LRRCC1: variants seen among roughly 807,000 people sequenced by gnomAD.
LRRCC1 encodes leucine-rich repeat and coiled-coil domain-containing protein 1.
In LRRCC1, 115 loss-of-function variants were observed where a neutral mutation model predicts 126.0. The ratio of observed to expected loss-of-function variants is 0.91; its 90% confidence interval spans 0.78 to 1.07. The LOEUF (loss-of-function observed/expected upper bound fraction) is 1.07. Ranked by LOEUF, LRRCC1 falls within the 50% of genes least tolerant of loss-of-function variation. The pLI is 0.00. For missense variants in LRRCC1, 1,172 were observed against 1,175.7 expected, an observed-to-expected ratio of 1.00 and a Z score of 0.05; for synonymous variants, 400 against 393.4, an observed-to-expected ratio of 1.02 and a Z score of -0.20.
In LRRCC1 at chr8:85,141,470, C is replaced by CATCA; in HGVS notation, c.2930_2931insTCAA (p.Gln977HisfsTer6). 6.2e-7 allele frequency: 1 copy of CATCA among 1,613,202 alleles called. No homozygotes were observed. On this transcript the variant is annotated frameshift_variant, in exon 18 of 19. Transcript: ENST00000360375. LOFTEE classifies it high-confidence loss of function. ...TGAAGCTCATCAAGCTGAAATAGCA[C>CATCA]AGCTGGCCAATGAAAAGCAGAAGTG...
intron 12 of LRRCC1, 48 bp from the exon 13 acceptor site, chr8:85,134,799 T>G: frequency 8.2e-7 from 1 of 1,212,846 alleles, no homozygotes; most frequent in African/African-American, 1.6e-5. Flanking sequence ...GCAAATATTT[T>G]CTAATTATTT....
Position 85,107,248 on chromosome 8 carries a change from A to G in LRRCC1, c.-48A>G. ...CGGGAGGCTTGTCCCAAGCTCACGG[A>G]CCCCTCGCTGGGTGCCGGTTAAGAC... is the stretch of plus-strand genomic sequence containing the variant. On this transcript the variant is annotated 5_prime_UTR_variant, in exon 1 of 19. Transcript: ENST00000360375. 1.3e-6 allele frequency: 2 copies of G among 1,553,806 alleles called. No homozygotes were observed. The highest frequency in any genetic ancestry group is 1.7e-6 in the Non-Finnish European group (2 of 1,146,958).
intron 4 of LRRCC1, among the ~76,000 whole-genome samples, chr8:85,114,737 G>A (rs905495128): frequency 2.0e-5 from 3 of 151,958 alleles, no homozygotes; most frequent in African/African-American, 7.2e-5. Context: ...CATTTATGTT[G>A]TTTATATTAA....
chr8:85,114,296 C>CT (rs1307050055), intron 4 of LRRCC1, among the ~76,000 whole-genome samples: 1 of 151,544 alleles, frequency 6.6e-6, no homozygotes, highest in Non-Finnish European at 1.5e-5. Context: ...TTGTTTTTCA[C>CT]TTTTTTTCCT....
chr8:85,127,697 T>C (rs781074218), intron 9 of LRRCC1, among the ~76,000 whole-genome samples: 1 of 152,220 alleles, frequency 6.6e-6, no homozygotes, highest in Non-Finnish European at 1.5e-5. Context: ...TGCATGTTTC[T>C]CTGATAGGTT....
chr8:85,115,379 T>G lies in LRRCC1; in HGVS notation c.725T>G (p.Ile242Ser). The stretch of plus-strand genomic sequence containing the variant: ...TGGTTTGTTTCTGTGTCATAGATCA[T>G]TGATAGAATGCCAGTGATAACAGCA... The part of the protein sequence containing the change: ...SPLNISEDEI[I>S]DRMPVITAPI... The change falls in exon 6 of 19, where the codon ATT becomes AGT. Residue 242 changes from isoleucine (I) to serine (S), a missense_variant. Physicochemically the swap from Ile to Ser is moderately radical, Grantham distance 142 (BLOSUM62 -2). Transcript: ENST00000360375. 1 of 1,612,094 alleles carries G rather than the reference T, an allele frequency of 6.2e-7. No homozygotes were observed. Among genetic ancestry groups the G allele is most frequent in the African/African-American group, 1.3e-5 (1 of 75,020 alleles).
Position 85,145,910 on chromosome 8 carries a change from C to A in LRRCC1, c.*399C>A. ...TATATTTGTTATTTAATTGATGTAG[C>A]TCAATTCTTTTAAAGTACTTATGTA... On this transcript the variant is annotated 3_prime_UTR_variant, in exon 19 of 19. Coordinates refer to ENST00000360375, the MANE Select transcript of LRRCC1 (RefSeq NM_033402.5). 6.5e-6 allele frequency: 1 copy of A among 152,804 alleles called. No homozygotes were observed. Among genetic ancestry groups the A allele is most frequent in the Non-Finnish European group, 1.5e-5 (1 of 68,434 alleles). The allele number at this position is 152,804 out of a possible 1,614,324, so 9.5% of individuals were successfully genotyped here.
chr8:85,124,959 G>GA lies in LRRCC1; in HGVS notation c.1272+26dup, dbSNP rs1563942034. The GA allele has an allele frequency of 6.5e-7, 1 of 1,532,566 alleles. No individual in the cohort carries two copies. Among genetic ancestry groups the GA allele is most frequent in the Non-Finnish European group, 8.8e-7 (1 of 1,137,040 alleles). 94.9% of individuals were successfully genotyped at this position (1,532,566 alleles called of 1,614,324 possible). On this transcript the variant is annotated intron_variant, in intron 8 of 18. Coordinates refer to ENST00000360375, the MANE Select transcript of LRRCC1 (RefSeq NM_033402.5). Reference sequence around the variant, plus strand: ...TACCAGGTATGATTTAAGAGTTAAAGAAAAAATGAGTATGAATAATTTTAA... The same window carrying GA: ...TACCAGGTATGATTTAAGAGTTAAAGAAAAAAATGAGTATGAATAATTTTAA...
Position 85,131,804 on chromosome 8 carries a change from A to G in LRRCC1, c.1811A>G (p.Gln604Arg). Residue 604 changes from glutamine (Q) to arginine (R), a missense_variant, in exon 12 of 19, where the codon CAG (glutamine) becomes CGG (arginine). Gln to Arg is a conservative substitution (Grantham distance 43). Coordinates refer to ENST00000360375, the MANE Select transcript of LRRCC1 (RefSeq NM_033402.5). ...TREFFTDADF[Q>R]DALAKEIAKE... Reference sequence around the variant, plus strand: ...GAGTTTTTTACTGATGCTGACTTCCAGGATGCCTTAGCTAAAGAAATAGCC... The same window carrying G: ...GAGTTTTTTACTGATGCTGACTTCCGGGATGCCTTAGCTAAAGAAATAGCC... The G allele has an allele frequency of 6.2e-7, 1 of 1,613,782 alleles. No individual in the cohort carries two copies. The highest frequency in any genetic ancestry group is 8.5e-7 in the Non-Finnish European group (1 of 1,179,862).
At chr8:85,118,953 C>G (rs954737165) in intron 6 of LRRCC1, among the ~76,000 whole-genome samples, 1 of 151,976 alleles carries the variant, frequency 6.6e-6, no homozygotes. Context: ...ATAACATTCT[C>G]CTGTGTTAGC....
rs765736049 is a variant in LRRCC1 at position 85,115,219 on chromosome 8, G to C, written c.664G>C (p.Gly222Arg). The C allele has an allele frequency of 6.8e-6, 11 of 1,612,324 alleles. No individual in the cohort carries two copies. The highest frequency in any genetic ancestry group is 8.5e-6 in the Non-Finnish European group (10 of 1,179,132). The change falls in exon 5 of 19, where the codon GGT becomes CGT. Residue 222 changes from glycine (G) to arginine (R), a missense_variant. Gly to Arg is a moderately radical substitution (Grantham distance 125). Transcript: ENST00000360375. Reference protein sequence around the residue: ...INSSQLQCLEGLLDNLVSSDS... With the variant: ...INSSQLQCLERLLDNLVSSDS... Reference sequence around the variant, plus strand: ...TTCATCACAGCTGCAGTGCCTAGAAGGTCTTTTGGATAATTTAGTTTCTTC... The same window carrying C: ...TTCATCACAGCTGCAGTGCCTAGAACGTCTTTTGGATAATTTAGTTTCTTC...
rs765076788 is a variant in LRRCC1, at chr8:85,115,511, A to G, written c.857A>G (p.Asn286Ser). 1.7e-5 allele frequency: 28 copies of G among 1,613,698 alleles called. No homozygotes were observed. The Admixed American group carries it at 4.5e-4, about 26-fold the overall frequency. The change falls in exon 6 of 19, where the codon AAT becomes AGT. Residue 286 changes from asparagine to serine, a missense_variant. Physicochemically the swap from Asn to Ser is conservative, Grantham distance 46. Transcript: ENST00000360375. ...VCQSSEPEKN[N>S]HENDLQNEIK... ...CAATCTTCTGAGCCAGAGAAAAATAATCATGAAAACGATTTGCAGAATGAG... is the reference window on the plus strand; with the variant it reads ...CAATCTTCTGAGCCAGAGAAAAATAGTCATGAAAACGATTTGCAGAATGAG...
At chr8:85,110,658 T>C (rs1341087172) in intron 3 of LRRCC1, among the ~76,000 whole-genome samples, 2 of 152,258 alleles carry the variant, frequency 1.3e-5, no homozygotes, top group Non-Finnish European at 2.9e-5. Context: ...CGCATGTAGC[T>C]AATGGCTACT....
chr8:85,129,908 A>G lies in LRRCC1; in HGVS notation c.1627-11A>G, dbSNP rs763910409. 2.6e-6 allele frequency: 4 copies of G among 1,514,098 alleles called. No homozygotes were observed. Among genetic ancestry groups the G allele is most frequent in the African/African-American group, 1.5e-5 (1 of 68,842 alleles). 93.8% of individuals were successfully genotyped at this position (1,514,098 alleles called of 1,614,324 possible). ...TTATCTAAATAATGTAATTGTGGGT[A>G]TTTTACTCAGATAAGACTGATCCAA... On this transcript the variant is annotated splice_polypyrimidine_tract_variant and intron_variant, in intron 10 of 18. Coordinates refer to ENST00000360375, the MANE Select transcript of LRRCC1 (RefSeq NM_033402.5).
At chr8:85,133,780 A>G (rs1257642472) in intron 12 of LRRCC1, among the ~76,000 whole-genome samples, 1 of 152,190 alleles carries the variant, frequency 6.6e-6, no homozygotes, top group East Asian at 1.9e-4. Flanking sequence ...AAGAGCTTTC[A>G]AGTTAATCTT....
At chr8:85,112,645 A>G (rs1323169379) in intron 3 of LRRCC1, among the ~76,000 whole-genome samples, 1 of 152,204 alleles carries the variant, frequency 6.6e-6, no homozygotes, top group Admixed American at 6.5e-5. Flanking sequence ...TTTTTCTCAT[A>G]TGAGTGTGTG....
Position 85,123,429 on chromosome 8 carries a change from A to G in LRRCC1, c.947A>G (p.Asp316Gly), listed in dbSNP as rs765124417. The G allele has an allele frequency of 6.9e-6, 11 of 1,596,206 alleles. No homozygotes were observed. The highest frequency in any genetic ancestry group is 9.4e-6 in the Non-Finnish European group (11 of 1,175,098). ...AAATTTTAGACTTCTAATTCAATAG[A>G]TAACGTTCTTGAGAAAGACCCCAGA... ...QLLNETSNSIDNVLEKDPRPK... is the reference protein window; with the variant it reads ...QLLNETSNSIGNVLEKDPRPK... Residue 316 changes from aspartate to glycine, a missense_variant, in exon 7 of 19, where the codon GAT (aspartate) becomes GGT (glycine). Transcript: ENST00000360375.
At chr8:85,117,901 T>G (rs987854092) in intron 6 of LRRCC1, among the ~76,000 whole-genome samples, 1 of 152,086 alleles carries the variant, frequency 6.6e-6, no homozygotes, top group African/African-American at 2.4e-5. Context: ...AGTTAAATAT[T>G]TTTTAGGTGT....
Position 85,126,670 on chromosome 8 carries a change from C to G in LRRCC1, c.1273-19C>G. On this transcript the variant is annotated intron_variant, in intron 8 of 18. Transcript: ENST00000360375. Reference sequence around the variant, plus strand: ...AGGTAACTTTTCTAAGTTCACATAACTTTGTTGTTTTCTTTCAGTCCCTTG... The same window carrying G: ...AGGTAACTTTTCTAAGTTCACATAAGTTTGTTGTTTTCTTTCAGTCCCTTG... 6.3e-7 allele frequency: 1 copy of G among 1,599,522 alleles called. No individual in the cohort carries two copies. Among genetic ancestry groups the G allele is most frequent in the South Asian group, 1.1e-5 (1 of 89,358 alleles).
Sources: gnomAD v4.1 joint callset for allele counts (sites outside exome capture counted in the v4.1 genomes callset) on GRCh38, gnomAD v4.1.1 for gene constraint, MANE v1.5 for transcripts, NCBI Gene and HGNC (gene_info 2026-07-23, HGNC 2026-07-21) for gene names.